PARD3B: variants seen among roughly 807,000 people sequenced by gnomAD.
PARD3B encodes the protein partitioning defective 3 homolog B.
Under a neutral mutation model 130.2 loss-of-function variants are expected in PARD3B, and 103 were observed. The ratio of observed to expected loss-of-function variants is 0.79; its 90% confidence interval spans 0.67 to 0.93. The LOEUF (loss-of-function observed/expected upper bound fraction) is 0.93, where lower values mean the gene tolerates loss of function less well. Among genes scored for constraint, PARD3B ranks in the 40% least tolerant of loss-of-function variants. The pLI is 0.00. For synonymous variants in PARD3B, 583 were observed against 553.2 expected, an observed-to-expected ratio of 1.05 and a Z score of -0.76; for missense variants, 1,609 against 1,499.2, an observed-to-expected ratio of 1.07 and a Z score of -1.21.
rs372141417 is a variant in PARD3B at position 204,712,922 on chromosome 2, A to G, written c.222+26640A>G. 9.9e-5 allele frequency among the ~76,000 whole-genome samples: 15 copies of G among 152,236 alleles called. No individual in the cohort carries two copies. In the East Asian group the frequency reaches 1.4e-3, roughly 14 times the overall value. ...TGAATTGTCGAGTTTTATATGGTTTAGGCCCCTGTGTGTTGTGTTATTGTA... is the reference window on the plus strand; with the variant it reads ...TGAATTGTCGAGTTTTATATGGTTTGGGCCCCTGTGTGTTGTGTTATTGTA... On this transcript the variant is annotated intron_variant, in intron 2 of 22. Transcript: ENST00000406610.
At chr2:204,914,164 A>G (rs1324498673) in intron 2 of PARD3B, among the ~76,000 whole-genome samples, 1 of 152,140 alleles carries the variant, frequency 6.6e-6, no homozygotes, top group African/African-American at 2.4e-5. Context: ...CTGATCCGGG[A>G]TGGTACCTGG....
At chr2:204,955,528 T>C (rs1690162514) in intron 2 of PARD3B, among the ~76,000 whole-genome samples, 1 of 152,222 alleles carries the variant, frequency 6.6e-6, no homozygotes, top group African/African-American at 2.4e-5. Context: ...CTTTGTTCTC[T>C]TGCTTGGATA....
chr2:205,064,769 G>T (rs1241899577), intron 4 of PARD3B, among the ~76,000 whole-genome samples: 2 of 152,184 alleles, frequency 1.3e-5, no homozygotes, highest in Non-Finnish European at 2.9e-5. Context: ...GGACTTTAAA[G>T]AAAGGGTAGA....
At chr2:204,828,109 A>T (rs2043661421) in intron 2 of PARD3B, among the ~76,000 whole-genome samples, 1 of 152,042 alleles carries the variant, frequency 6.6e-6, no homozygotes, top group Non-Finnish European at 1.5e-5. Flanking sequence ...TTTCCTCAGC[A>T]CTCATTTGTT....
At chr2:204,634,424 G>C (rs1313249645) in intron 1 of PARD3B, among the ~76,000 whole-genome samples, 1 of 152,088 alleles carries the variant, frequency 6.6e-6, no homozygotes, top group African/African-American at 2.4e-5. Context: ...CCAAATCTTA[G>C]CTATTGTAAA....
Position 205,509,477 on chromosome 2 carries a change from A to G in PARD3B, c.3180+9446A>G, listed in dbSNP as rs996683153. On this transcript the variant is annotated intron_variant, in intron 21 of 22. Transcript: ENST00000406610. ...CCCTACCTCCGCATCATGGCACCCC[A>G]CTTAAGCCCACTCCTCCCCTAAAGC... 6.6e-5 allele frequency among the ~76,000 whole-genome samples: 10 copies of G among 151,964 alleles called. No individual in the cohort carries two copies. The East Asian group carries it at 1.6e-3, about 24-fold the overall frequency.
At chr2:205,374,931 A>AG (rs2044980254) in intron 18 of PARD3B, among the ~76,000 whole-genome samples, 1 of 152,220 alleles carries the variant, frequency 6.6e-6, no homozygotes, top group Admixed American at 6.5e-5. Flanking sequence ...TATATGATTA[A>AG]GAGGTTAGTT....
At chr2:205,336,565 T>C (rs2043320927) in intron 18 of PARD3B, among the ~76,000 whole-genome samples, 1 of 152,252 alleles carries the variant, frequency 6.6e-6, no homozygotes, top group Admixed American at 6.5e-5. Context: ...TCAGATCTTC[T>C]TTCTGGCTTC....
chr2:204,631,093 C>T (rs976400370), intron 1 of PARD3B, among the ~76,000 whole-genome samples: 1 of 152,036 alleles, frequency 6.6e-6, no homozygotes, highest in African/African-American at 2.4e-5. Flanking sequence ...CATTTTAGTG[C>T]TAGAAATTTC....
At chr2:205,313,744 G>A (rs932887339) in intron 18 of PARD3B, among the ~76,000 whole-genome samples, 6 of 152,084 alleles carry the variant, frequency 3.9e-5, no homozygotes, top group African/African-American at 1.4e-4. Flanking sequence ...TGGATAATGA[G>A]GTTTAGATTT....
intron 15 of PARD3B, among the ~76,000 whole-genome samples, chr2:205,236,161 G>A (rs1217812683): frequency 6.6e-6 from 1 of 152,116 alleles, no homozygotes; most frequent in Non-Finnish European, 1.5e-5. Context: ...AAATAGTGTG[G>A]AAACCTTGTA....
At chr2:205,334,687 G>A (rs1229513980) in intron 18 of PARD3B, among the ~76,000 whole-genome samples, 1 of 152,180 alleles carries the variant, frequency 6.6e-6, no homozygotes, top group African/African-American at 2.4e-5. Flanking sequence ...AAAAATGAGG[G>A]TCTGTTGAGT....
intron 3 of PARD3B, among the ~76,000 whole-genome samples, chr2:205,004,248 A>G (rs1469128213): frequency 6.6e-6 from 1 of 152,076 alleles, no homozygotes; most frequent in Admixed American, 6.5e-5. Flanking sequence ...ATATCTAATC[A>G]CTCAGTGCAT....
chr2:204,902,273 A>C (rs2046888405), intron 2 of PARD3B, among the ~76,000 whole-genome samples: 1 of 152,104 alleles, frequency 6.6e-6, no homozygotes, highest in Non-Finnish European at 1.5e-5. Context: ...TTTGTTCTCT[A>C]CTCACGATTT....
At chr2:204,811,949 A>G (rs763143410) in intron 2 of PARD3B, among the ~76,000 whole-genome samples, 2 of 152,130 alleles carry the variant, frequency 1.3e-5, no homozygotes, top group Non-Finnish European at 2.9e-5. Context: ...TTTTTAACAT[A>G]TGTATATACC....
chr2:205,546,908 A>G (rs1329259494), intron 21 of PARD3B, among the ~76,000 whole-genome samples: 4 of 152,226 alleles, frequency 2.6e-5, no homozygotes, highest in African/African-American at 7.2e-5. Context: ...TGTCAATAAT[A>G]AACAGATGAG....
chr2:205,485,749 CCTGA>C lies in PARD3B; in HGVS notation c.3045-14143_3045-14140del, dbSNP rs2049414318. On this transcript the variant is annotated intron_variant, in intron 20 of 22. Coordinates refer to ENST00000406610, the MANE Select transcript of PARD3B (RefSeq NM_001302769.2). ...ACACATTCCCCACACTTGTGCGGTG[CCTGA>C]CTGTGTGCCCTTTCATGTGGCCACT... 2.0e-5 allele frequency among the ~76,000 whole-genome samples: 3 copies of C among 152,152 alleles called. No homozygotes were observed. The South Asian group carries it at 6.2e-4, about 32-fold the overall frequency.
At chr2:204,614,667 G>A (rs987383453) in intron 1 of PARD3B, among the ~76,000 whole-genome samples, 7 of 152,106 alleles carry the variant, frequency 4.6e-5, no homozygotes, top group African/African-American at 1.4e-4. Flanking sequence ...AATCATGGGG[G>A]CAGTTTCTCA....
In PARD3B at chr2:205,146,650, C is replaced by CA. The variant is rs1192681773; in HGVS notation, c.1435-12061dup. Among the ~76,000 whole-genome samples, 50 of 144,156 alleles carry CA rather than the reference C, an allele frequency of 3.5e-4. No homozygotes were observed. Among genetic ancestry groups the CA allele is most frequent in the Admixed American group, 5.5e-4 (8 of 14,556 alleles). 94.6% of individuals were successfully genotyped at this position (144,156 alleles called of 152,430 possible). A position where few individuals can be genotyped will look rare whatever the true frequency, so the allele number is the denominator to read the frequency against. On this transcript the variant is annotated intron_variant, in intron 10 of 22. Coordinates refer to ENST00000406610, the MANE Select transcript of PARD3B (RefSeq NM_001302769.2). The surrounding 1 kb of genome is among the most constrained non-coding windows in gnomAD (Gnocchi z 4.3). ...TGGGCGACAGAGCGAGACTCCGCCT[C>CA]AAAAAAAAAAATTGTTACATCATAT...
Sources: allele counts gnomAD v4.1 joint callset (sites outside exome capture counted in the v4.1 genomes callset), GRCh38; gene constraint gnomAD v4.1.1; non-coding constraint Gnocchi (gnomAD v3.1); transcripts MANE v1.5; gene names NCBI Gene and HGNC (gene_info 2026-07-23, HGNC 2026-07-21).